Variants in KRTAP9-4 observed in about 807,000 individuals in gnomAD.
The protein encoded by KRTAP9-4 is keratin-associated protein 9-4.
A neutral mutation model predicts 12.7 loss-of-function variants in KRTAP9-4; 8 were observed. The ratio of observed to expected loss-of-function variants is 0.63; its 90% CI spans 0.37 to 1.14. The LOEUF is 1.14. KRTAP9-4 is among the 50% of genes most tolerant of loss of function. The probability of loss-of-function intolerance (pLI) is 0.01; values close to 1 mark genes in which losing one functional copy is unlikely to be tolerated. For missense variants in KRTAP9-4, 188 were observed against 189.1 expected (o/e 0.99, Z 0.03); for synonymous variants, 81 against 67.3 (o/e 1.20, Z -1.00).
In KRTAP9-4 at chr17:41,249,974, G is replaced by A. The variant is rs774107792; in HGVS notation, c.254G>A (p.Cys85Tyr). 3.1e-6 allele frequency: 5 copies of A among 1,613,460 alleles called. No individual in the cohort carries two copies. The highest frequency in any genetic ancestry group is 2.7e-5 in the African/African-American group (2 of 74,660). Residue 85 changes from cysteine (C) to tyrosine (Y), a missense_variant, in exon 1 of 1, where the codon TGC (cysteine) becomes TAC (tyrosine). Coordinates refer to ENST00000334109, the MANE Select transcript of KRTAP9-4 (RefSeq NM_033191.3). Reference sequence around the variant, plus strand: ...AGCACACCCTGCTGCCAGCCCACCTGCTGTGGGTCCAGCTGTGACCAGAGC... The same window carrying A: ...AGCACACCCTGCTGCCAGCCCACCTACTGTGGGTCCAGCTGTGACCAGAGC... Reference protein sequence around the residue: ...CCSTPCCQPTCCGSSCDQSSS... With the variant: ...CCSTPCCQPTYCGSSCDQSSS...
Position 41,250,302 on chromosome 17 carries a change from A to C in KRTAP9-4, c.*117A>C. The C allele has an allele frequency of 8.7e-7, 1 of 1,152,832 alleles. No homozygotes were observed. The highest frequency in any genetic ancestry group is 1.3e-6 in the Non-Finnish European group (1 of 794,360). The allele number at this position is 1,152,832 out of a possible 1,614,324, so 71.4% of individuals were successfully genotyped here. A position where few individuals can be genotyped will look rare whatever the true frequency, so the allele number is the denominator to read the frequency against. On this transcript the variant is annotated 3_prime_UTR_variant, in exon 1 of 1. Coordinates refer to ENST00000334109, the MANE Select transcript of KRTAP9-4 (RefSeq NM_033191.3). ...CCACCATGCTCTCACCCAAATTTTT[A>C]TGAATTCTCTACCTGTTTAAAATCT... is the stretch of plus-strand genomic sequence containing the variant.
In KRTAP9-4 at chr17:41,250,281, C is replaced by G; in HGVS notation, c.*96C>G. 4.2e-6 allele frequency: 6 copies of G among 1,444,544 alleles called. No homozygotes were observed. The highest frequency in any genetic ancestry group is 5.7e-6 in the Non-Finnish European group (6 of 1,049,962). The allele number at this position is 1,444,544 out of a possible 1,614,324, so 89.5% of individuals were successfully genotyped here. A position where few individuals can be genotyped will look rare whatever the true frequency, so the allele number is the denominator to read the frequency against. Reference sequence around the variant, plus strand: ...AATTTAATTTGCTGCTGACAGCCACCATGCTCTCACCCAAATTTTTATGAA... The same window carrying G: ...AATTTAATTTGCTGCTGACAGCCACGATGCTCTCACCCAAATTTTTATGAA... On this transcript the variant is annotated 3_prime_UTR_variant, in exon 1 of 1. Transcript: ENST00000334109.
Position 41,249,755 on chromosome 17 carries a change from C to A in KRTAP9-4, c.35C>A (p.Thr12Lys). The part of the protein sequence containing the change: ...THCCSPCCQP[T>K]CCRTTCCRTT... The stretch of plus-strand genomic sequence containing the variant: ...TGTTGCTCCCCTTGCTGTCAGCCTA[C>A]ATGCTGCAGGACCACCTGCTGCAGG... Residue 12 changes from threonine to lysine, a missense_variant, in exon 1 of 1, where the codon ACA becomes AAA. Coordinates refer to ENST00000334109, the MANE Select transcript of KRTAP9-4 (RefSeq NM_033191.3). 6.2e-7 allele frequency: 1 copy of A among 1,612,234 alleles called. No individual in the cohort carries two copies. Among genetic ancestry groups the A allele is most frequent in the Non-Finnish European group, 8.5e-7 (1 of 1,179,812 alleles).
At position 41,249,971 on chromosome 17, in the gene KRTAP9-4, C is replaced by A; in HGVS notation, c.251C>A (p.Thr84Asn). Residue 84 changes from threonine to asparagine, a missense_variant, in exon 1 of 1, where the codon ACC (threonine) becomes AAC (asparagine). Transcript: ENST00000334109. ...TGCAGCACACCCTGCTGCCAGCCCACCTGCTGTGGGTCCAGCTGTGACCAG... is the reference window on the plus strand; with the variant it reads ...TGCAGCACACCCTGCTGCCAGCCCAACTGCTGTGGGTCCAGCTGTGACCAG... ...SCCSTPCCQP[T>N]CCGSSCDQSS... is the part of the protein sequence containing the mutation. 6.2e-7 allele frequency: 1 copy of A among 1,614,148 alleles called. No individual in the cohort carries two copies. The highest frequency in any genetic ancestry group is 8.5e-7 in the Non-Finnish European group (1 of 1,180,036).
Position 41,250,194 on chromosome 17 carries a change from C to A in KRTAP9-4, c.*9C>A. 2 of 1,614,116 alleles carry A rather than the reference C, an allele frequency of 1.2e-6. No homozygotes were observed. Among genetic ancestry groups the A allele is most frequent in the Non-Finnish European group, 1.7e-6 (2 of 1,179,926 alleles). On this transcript the variant is annotated 3_prime_UTR_variant, in exon 1 of 1. Coordinates refer to ENST00000334109, the MANE Select transcript of KRTAP9-4 (RefSeq NM_033191.3). The stretch of plus-strand genomic sequence containing the variant: ...AGCCTTTTTGCTGCTGATCAAGTCC[C>A]AAGAGAACCACCATCCTCACACAAC...
rs114016101 is a variant in KRTAP9-4 at position 41,250,645 on chromosome 17, C to G, written c.*460C>G. The stretch of plus-strand genomic sequence containing the variant: ...TATATGTTTCTGAATAAACTCTGAA[C>G]CATCCTCATCTCATATGGTGTTTTG... On this transcript the variant is annotated 3_prime_UTR_variant, in exon 1 of 1. Coordinates refer to ENST00000334109, the MANE Select transcript of KRTAP9-4 (RefSeq NM_033191.3). 25 of 240,000 alleles carry G rather than the reference C, an allele frequency of 1.0e-4. No homozygotes were observed. Among genetic ancestry groups the G allele is most frequent in the Middle Eastern group, 1.8e-3 (1 of 568 alleles). 14.9% of individuals were successfully genotyped at this position (240,000 alleles called of 1,614,324 possible). A position where few individuals can be genotyped will look rare whatever the true frequency, so the allele number is the denominator to read the frequency against.
At position 41,250,469 on chromosome 17, in the gene KRTAP9-4, T is replaced by C. The variant is rs1285901044; in HGVS notation, c.*284T>C. The stretch of plus-strand genomic sequence containing the variant: ...GACTCAAAAGTCAAGAGCTTCATTC[T>C]CTGCTTCTAAGGAATTTAGGTTTCT... On this transcript the variant is annotated 3_prime_UTR_variant, in exon 1 of 1. Coordinates refer to ENST00000334109, the MANE Select transcript of KRTAP9-4 (RefSeq NM_033191.3). 3.2e-6 allele frequency: 2 copies of C among 634,570 alleles called. No homozygotes were observed. Among genetic ancestry groups the C allele is most frequent in the Non-Finnish European group, 5.5e-6 (2 of 362,266 alleles). The allele number at this position is 634,570 out of a possible 1,614,324, so 39.3% of individuals were successfully genotyped here.
Position 41,250,209 on chromosome 17 carries a change from C to T in KRTAP9-4, c.*24C>T, listed in dbSNP as rs111927217. 6.4e-7 allele frequency: 1 copy of T among 1,552,102 alleles called. No individual in the cohort carries two copies. The highest frequency in any genetic ancestry group is 8.7e-7 in the Non-Finnish European group (1 of 1,143,456). On this transcript the variant is annotated 3_prime_UTR_variant, in exon 1 of 1. Transcript: ENST00000334109. Reference sequence around the variant, plus strand: ...GATCAAGTCCCAAGAGAACCACCATCCTCACACAACAACTTTCTGCTCAAC... The same window carrying T: ...GATCAAGTCCCAAGAGAACCACCATTCTCACACAACAACTTTCTGCTCAAC...
chr17:41,250,315 C>A lies in KRTAP9-4; in HGVS notation c.*130C>A, dbSNP rs2270179. The A allele has an allele frequency of 0.68, 625,901 of 924,436 alleles. 215,805 individuals carry two copies. The highest frequency in any genetic ancestry group is 0.81 in the Admixed American group (35,327 of 43,550). 57.3% of individuals were successfully genotyped at this position (924,436 alleles called of 1,614,324 possible). A position where few individuals can be genotyped will look rare whatever the true frequency, so the allele number is the denominator to read the frequency against. On this transcript the variant is annotated 3_prime_UTR_variant, in exon 1 of 1. Coordinates refer to ENST00000334109, the MANE Select transcript of KRTAP9-4 (RefSeq NM_033191.3). ...ACCCAAATTTTTATGAATTCTCTACCTGTTTAAAATCTTGGGAATCTACTT... is the reference window on the plus strand; with the variant it reads ...ACCCAAATTTTTATGAATTCTCTACATGTTTAAAATCTTGGGAATCTACTT...
In KRTAP9-4 at chr17:41,250,114, C is replaced by T. The variant is rs1419054336; in HGVS notation, c.394C>T (p.Pro132Ser). 1.2e-6 allele frequency: 2 copies of T among 1,614,058 alleles called. No individual in the cohort carries two copies. The highest frequency in any genetic ancestry group is 8.5e-7 in the Non-Finnish European group (1 of 1,180,022). Reference sequence around the variant, plus strand: ...CAACTGCTGCCAGCCCTGCTGCCGCCCAGCCTGCTGTGAGACCACTTGCTT... The same window carrying T: ...CAACTGCTGCCAGCCCTGCTGCCGCTCAGCCTGCTGTGAGACCACTTGCTT... ...GSNCCQPCCR[P>S]ACCETTCFQP... The change falls in exon 1 of 1, where the codon CCA (proline) becomes TCA (serine). Residue 132 changes from proline (P) to serine (S), a missense_variant. Transcript: ENST00000334109.
At position 41,250,130 on chromosome 17, in the gene KRTAP9-4, C is replaced by T. The variant is rs1239160937; in HGVS notation, c.410C>T (p.Thr137Ile). 6.2e-7 allele frequency: 1 copy of T among 1,613,824 alleles called. No individual in the cohort carries two copies. Among genetic ancestry groups the T allele is most frequent in the Non-Finnish European group, 8.5e-7 (1 of 1,179,974 alleles). The change falls in exon 1 of 1, where the codon ACC (threonine) becomes ATC (isoleucine). Residue 137 changes from threonine to isoleucine, a missense_variant. Coordinates refer to ENST00000334109, the MANE Select transcript of KRTAP9-4 (RefSeq NM_033191.3). ...TGCTGCCGCCCAGCCTGCTGTGAGA[C>T]CACTTGCTTCCAGCCCACCTGTGTG... ...QPCCRPACCE[T>I]TCFQPTCVSS...
At position 41,250,305 on chromosome 17, in the gene KRTAP9-4, A is replaced by T. The variant is rs1298114391; in HGVS notation, c.*120A>T. 7.3e-6 allele frequency: 8 copies of T among 1,091,920 alleles called. No individual in the cohort carries two copies. The highest frequency in any genetic ancestry group is 1.1e-5 in the Non-Finnish European group (8 of 740,212). The allele number at this position is 1,091,920 out of a possible 1,614,324, so 67.6% of individuals were successfully genotyped here. ...CCATGCTCTCACCCAAATTTTTATGAATTCTCTACCTGTTTAAAATCTTGG... is the reference window on the plus strand; with the variant it reads ...CCATGCTCTCACCCAAATTTTTATGTATTCTCTACCTGTTTAAAATCTTGG... On this transcript the variant is annotated 3_prime_UTR_variant, in exon 1 of 1. Transcript: ENST00000334109.
In KRTAP9-4 at chr17:41,249,993, C is replaced by T. The variant is rs764679089; in HGVS notation, c.273C>T (p.Asp91=). 21 of 1,613,358 alleles carry T rather than the reference C, an allele frequency of 1.3e-5. No homozygotes were observed. Among genetic ancestry groups the T allele is most frequent in the East Asian group, 4.5e-5 (2 of 44,844 alleles). ...CQPTCCGSSC[D]QSSSCAPVYC... ...CCACCTGCTGTGGGTCCAGCTGTGACCAGAGCAGCTCCTGTGCACCTGTGT... is the reference window on the plus strand; with the variant it reads ...CCACCTGCTGTGGGTCCAGCTGTGATCAGAGCAGCTCCTGTGCACCTGTGT... The change falls in exon 1 of 1, where the codon GAC becomes GAT. Residue 91 remains aspartate (D), a synonymous_variant. Coordinates refer to ENST00000334109, the MANE Select transcript of KRTAP9-4 (RefSeq NM_033191.3).
At position 41,250,040 on chromosome 17, in the gene KRTAP9-4, A is replaced by G. The variant is rs1208727389; in HGVS notation, c.320A>G (p.Tyr107Cys). Residue 107 changes from tyrosine (Y) to cysteine (C), a missense_variant, in exon 1 of 1, where the codon TAC becomes TGC. Tyr to Cys is a radical substitution (Grantham distance 194). Transcript: ENST00000334109. ...APVYCRRTCY[Y>C]PTTVCLPGCL... ...GTGTACTGCAGAAGAACCTGCTACTACCCCACAACTGTCTGCCTGCCTGGT... is the reference window on the plus strand; with the variant it reads ...GTGTACTGCAGAAGAACCTGCTACTGCCCCACAACTGTCTGCCTGCCTGGT... 1 of 1,611,820 alleles carries G rather than the reference A, an allele frequency of 6.2e-7. No individual in the cohort carries two copies. The highest frequency in any genetic ancestry group is 8.5e-7 in the Non-Finnish European group (1 of 1,179,718).
chr17:41,250,008 T>C lies in KRTAP9-4; in HGVS notation c.288T>C (p.Cys96=). 6.2e-7 allele frequency: 1 copy of C among 1,614,060 alleles called. No individual in the cohort carries two copies. The highest frequency in any genetic ancestry group is 8.5e-7 in the Non-Finnish European group (1 of 1,180,016). Residue 96 remains cysteine (C), a synonymous_variant, in exon 1 of 1, where the codon TGT becomes TGC. Transcript: ENST00000334109. ...CGSSCDQSSS[C]APVYCRRTCY... ...CCAGCTGTGACCAGAGCAGCTCCTGTGCACCTGTGTACTGCAGAAGAACCT... is the reference window on the plus strand; with the variant it reads ...CCAGCTGTGACCAGAGCAGCTCCTGCGCACCTGTGTACTGCAGAAGAACCT...
At position 41,250,162 on chromosome 17, in the gene KRTAP9-4, T is replaced by G. The variant is rs148681988; in HGVS notation, c.442T>G (p.Cys148Gly). Reference protein sequence around the residue: ...TCFQPTCVSSCCQPFCC With the variant: ...TCFQPTCVSSGCQPFCC ...CTTCCAGCCCACCTGTGTGTCCAGC[T>G]GCTGTCAGCCTTTTTGCTGCTGATC... Residue 148 changes from cysteine (C) to glycine (G), a missense_variant, in exon 1 of 1, where the codon TGC (cysteine) becomes GGC (glycine). Coordinates refer to ENST00000334109, the MANE Select transcript of KRTAP9-4 (RefSeq NM_033191.3). The G allele has an allele frequency of 4.3e-6, 7 of 1,614,146 alleles. No homozygotes were observed. The African/African-American group carries it at 9.3e-5, about 22-fold the overall frequency.
Position 41,249,903 on chromosome 17 carries a change from C to T in KRTAP9-4, c.183C>T (p.Cys61=), listed in dbSNP as rs780647505. Residue 61 remains cysteine, a synonymous_variant, in exon 1 of 1, where the codon TGC becomes TGT. Transcript: ENST00000334109. ...CCRPTCCQNT[C]CQPTCVTSCC... ...GCCCAACTTGCTGTCAAAACACCTG[C>T]TGCCAGCCCACCTGTGTGACCAGCT... 6.2e-7 allele frequency: 1 copy of T among 1,613,408 alleles called. No homozygotes were observed. Among genetic ancestry groups the T allele is most frequent in the East Asian group, 2.2e-5 (1 of 44,820 alleles).
In KRTAP9-4 at chr17:41,250,095, C is replaced by T. The variant is rs139236962; in HGVS notation, c.375C>T (p.Cys125=). Residue 125 remains cysteine, a synonymous_variant, in exon 1 of 1, where the codon TGC becomes TGT. Coordinates refer to ENST00000334109, the MANE Select transcript of KRTAP9-4 (RefSeq NM_033191.3). ...TAAACCAGAGCTGTGGCTCCAACTG[C>T]TGCCAGCCCTGCTGCCGCCCAGCCT... The part of the protein sequence containing the change: ...GCLNQSCGSN[C]CQPCCRPACC... The T allele has an allele frequency of 2.5e-6, 4 of 1,614,056 alleles. No individual in the cohort carries two copies. Among genetic ancestry groups the T allele is most frequent in the East Asian group, 2.2e-5 (1 of 44,888 alleles).
rs761922534 is a variant in KRTAP9-4 at position 41,249,783 on chromosome 17, C to A, written c.63C>A (p.Thr21=). The change falls in exon 1 of 1, where the codon ACC becomes ACA. Residue 21 remains threonine (T), a synonymous_variant. Transcript: ENST00000334109. ...PTCCRTTCCR[T]TCWKPTTVTT... ...GCTGCAGGACCACCTGCTGCAGGACCACCTGCTGGAAGCCCACCACTGTGA... is the reference window on the plus strand; with the variant it reads ...GCTGCAGGACCACCTGCTGCAGGACAACCTGCTGGAAGCCCACCACTGTGA... 5.6e-6 allele frequency: 9 copies of A among 1,612,506 alleles called. No homozygotes were observed. The highest frequency in any genetic ancestry group is 4.5e-5 in the East Asian group (2 of 44,882).
Sources: allele counts gnomAD v4.1 joint callset, GRCh38; gene constraint gnomAD v4.1.1; transcripts MANE v1.5; gene names NCBI Gene and HGNC (gene_info 2026-07-23, HGNC 2026-07-21).